Variants in SLC9A9 observed in about 807,000 individuals in gnomAD.
SLC9A9 encodes the protein solute carrier family 9 member A9, also known as sodium/hydrogen exchanger 9.
In SLC9A9, 62 loss-of-function variants were observed where a neutral mutation model predicts 77.8. The ratio of observed to expected loss-of-function variants is 0.80; its 90% CI spans 0.65 to 0.98. The LOEUF is 0.98. Ranked by LOEUF, SLC9A9 falls within the 50% of genes least tolerant of loss-of-function variation. The pLI is 0.00. For synonymous variants in SLC9A9, 320 were observed against 283.5 expected (o/e 1.13, Z -1.29); for missense variants, 775 against 774.9 (o/e 1.00, Z 0.00).
intron 1 of SLC9A9, among the ~76,000 whole-genome samples, chr3:143,839,395 TAG>T (rs1559822339): frequency 6.6e-6 from 1 of 152,086 alleles, no homozygotes; most frequent in East Asian, 1.9e-4. Flanking sequence ...TCTCACAGGA[TAG>T]AGTCATATGA....
intron 6 of SLC9A9, among the ~76,000 whole-genome samples, chr3:143,603,823 A>G (rs2037882773): frequency 6.6e-6 from 1 of 152,182 alleles, no homozygotes; most frequent in Admixed American, 6.5e-5. Context: ...ACCAGAAACA[A>G]CCTGACGTGA....
At chr3:143,692,095 A>G (rs1468327146) in intron 5 of SLC9A9, among the ~76,000 whole-genome samples, 1 of 152,164 alleles carries the variant, frequency 6.6e-6, no homozygotes, top group Non-Finnish European at 1.5e-5. Flanking sequence ...GTTTATAAGA[A>G]ATACAGGGCA....
intron 9 of SLC9A9, among the ~76,000 whole-genome samples, chr3:143,527,238 C>A (rs2165358): frequency 0.22 from 33,554 of 152,086 alleles, 4,796 homozygotes; most frequent in Non-Finnish European, 0.33. Flanking sequence ...CTCCACTGTT[C>A]TTCTTCAAGC....
At chr3:143,464,005 G>A (rs528722035) in intron 12 of SLC9A9, among the ~76,000 whole-genome samples, 1 of 151,780 alleles carries the variant, frequency 6.6e-6, no homozygotes, top group East Asian at 1.9e-4. Context: ...AATTTTATGG[G>A]GATTAAAAAA....
intron 4 of SLC9A9, among the ~76,000 whole-genome samples, chr3:143,719,435 A>G (rs1325792897): frequency 2.6e-5 from 4 of 152,144 alleles, no homozygotes; most frequent in Admixed American, 2.6e-4. Flanking sequence ...AAAGGCCCCA[A>G]GTAGGGCCTT....
At chr3:143,716,418 T>C (rs775819988) in intron 4 of SLC9A9, among the ~76,000 whole-genome samples, 32 of 152,094 alleles carry the variant, frequency 2.1e-4, no homozygotes, top group Non-Finnish European at 3.7e-4. Context: ...ATCACATACT[T>C]AGTTTCTTAT....
At chr3:143,701,246 A>G (rs1933793063) in intron 4 of SLC9A9, among the ~76,000 whole-genome samples, 1 of 152,214 alleles carries the variant, frequency 6.6e-6, no homozygotes, top group South Asian at 2.1e-4. Flanking sequence ...TGCCCAGACA[A>G]AGACAAACAT....
intron 9 of SLC9A9, chr3:143,503,412 C>G (rs2035958415): frequency 3.1e-6 from 1 of 324,216 alleles, no homozygotes; most frequent in Admixed American, 4.0e-5. Flanking sequence ...GAATGAGTGT[C>G]ACTGTTAAAG....
At chr3:143,353,610 AAACT>A (rs2032518875) in intron 14 of SLC9A9, among the ~76,000 whole-genome samples, 1 of 152,200 alleles carries the variant, frequency 6.6e-6, no homozygotes, top group Non-Finnish European at 1.5e-5. Flanking sequence ...CAGCCTGAAC[AAACT>A]AAAAAAACAC....
intron 12 of SLC9A9, among the ~76,000 whole-genome samples, chr3:143,439,417 A>G (rs1241597946): frequency 6.6e-6 from 1 of 152,202 alleles, no homozygotes; most frequent in Non-Finnish European, 1.5e-5. Flanking sequence ...ACAGTGGGGC[A>G]CAGGGAGCAA....
At chr3:143,542,690 T>C (rs969284037) in intron 9 of SLC9A9, among the ~76,000 whole-genome samples, 15 of 152,248 alleles carry the variant, frequency 9.9e-5, no homozygotes, top group African/African-American at 3.4e-4. Flanking sequence ...TAATGCATCA[T>C]ATCAGAACTA....
intron 4 of SLC9A9, among the ~76,000 whole-genome samples, chr3:143,700,149 C>G (rs1933755579): frequency 6.6e-6 from 1 of 151,828 alleles, no homozygotes; most frequent in Admixed American, 6.6e-5. Context: ...CATCTGCTGA[C>G]CAAAGAGCCC....
intron 12 of SLC9A9, among the ~76,000 whole-genome samples, chr3:143,429,706 A>G (rs771353309): frequency 6.6e-6 from 1 of 152,150 alleles, no homozygotes; most frequent in Admixed American, 6.6e-5. Context: ...GCACACCCAG[A>G]TGGAGATCAC....
intron 4 of SLC9A9, among the ~76,000 whole-genome samples, chr3:143,710,389 G>A (rs991676005): frequency 6.6e-6 from 1 of 152,098 alleles, no homozygotes; most frequent in Non-Finnish European, 1.5e-5. Flanking sequence ...TTCCTGGAAG[G>A]TGAATAAAAT....
chr3:143,835,894 A>T (rs1414211743), intron 1 of SLC9A9, among the ~76,000 whole-genome samples: 1 of 152,110 alleles, frequency 6.6e-6, no homozygotes, highest in East Asian at 1.9e-4. Context: ...TGCATACACA[A>T]CACTTCTCTG....
intron 14 of SLC9A9, among the ~76,000 whole-genome samples, chr3:143,338,181 T>C (rs77355942): frequency 6.6e-6 from 1 of 152,298 alleles, no homozygotes; most frequent in East Asian, 1.9e-4. Context: ...GAGCTCTCAT[T>C]GTGATTGCAA....
intron 6 of SLC9A9, among the ~76,000 whole-genome samples, chr3:143,594,536 C>T (rs1294420958): frequency 6.6e-6 from 1 of 152,100 alleles, no homozygotes; most frequent in African/African-American, 2.4e-5. Context: ...ACATTAGAAT[C>T]CTGGTTGATC....
At chr3:143,806,738 G>GGA (rs879938853) in intron 2 of SLC9A9, among the ~76,000 whole-genome samples, 1 of 98,142 alleles carries the variant, frequency 1.0e-5, no homozygotes. Flanking sequence ...ATGTGGTGGT[G>GGA]GGGGGGGCAA....
intron 14 of SLC9A9, among the ~76,000 whole-genome samples, chr3:143,292,165 A>G (rs2108418553): frequency 6.6e-6 from 1 of 152,326 alleles, no homozygotes; most frequent in South Asian, 2.1e-4. Context: ...TACATTTGGC[A>G]TAGAAGCCCC....
Sources: allele counts gnomAD v4.1 joint callset (sites outside exome capture counted in the v4.1 genomes callset), GRCh38; gene constraint gnomAD v4.1.1; transcripts MANE v1.5; gene names NCBI Gene and HGNC (gene_info 2026-07-23, HGNC 2026-07-21).